The following DDR2 variants were observed in gnomAD, a reference collection of about 807,000 sequenced individuals.
DDR2 encodes discoidin domain-containing receptor 2.
DDR2 carries 27 observed loss-of-function variants against 94.9 expected under a neutral mutation model. The ratio of observed to expected loss-of-function variants is 0.28; its 90% confidence interval spans 0.21 to 0.39. The LOEUF (loss-of-function observed/expected upper bound fraction) is 0.39. DDR2 is among the 10% of genes least tolerant of loss of function. The probability of loss-of-function intolerance (pLI) is 1.00; values close to 1 mark genes in which losing one functional copy is unlikely to be tolerated. For missense variants in DDR2, 783 were observed against 1,076.0 expected, an observed-to-expected ratio of 0.73 and a Z score of 3.81; for synonymous variants, 382 against 377.2, an observed-to-expected ratio of 1.01 and a Z score of -0.15.
At chr1:162,710,968 C>G (rs1201792725) in intron 2 of DDR2, among the ~76,000 whole-genome samples, 8 of 152,170 alleles carry the variant, frequency 5.3e-5, no homozygotes, top group Admixed American at 3.9e-4. Context: ...CACTTCCTCT[C>G]CAGTCCAGAT....
chr1:162,644,214 T>G (rs1040723900), intron 1 of DDR2, among the ~76,000 whole-genome samples: 3 of 152,206 alleles, frequency 2.0e-5, no homozygotes, highest in South Asian at 2.1e-4. Context: ...TTTAGCATTT[T>G]TAAAAATAAT....
In DDR2 at chr1:162,775,695, G is replaced by T. The variant is rs2102195513; in HGVS notation, c.1900G>T (p.Asp634Tyr). Residue 634 changes from aspartate to tyrosine, a missense_variant, in exon 15 of 18, where the codon GAC becomes TAC. Around this residue, in one of 2 missense-constraint regions of DDR2, gnomAD observed 264 missense variants for 428.2 expected, o/e 0.62. Transcript: ENST00000367921. The stretch of plus-strand genomic sequence containing the variant: ...GATAAAGATCATGTCTCGGCTCAAG[G>T]ACCCAAACATCATCCATCTATTAGC... ...KEIKIMSRLK[D>Y]PNIIHLLAVC... 5 of 1,614,032 alleles carry T rather than the reference G, an allele frequency of 3.1e-6. No individual in the cohort carries two copies. The highest frequency in any genetic ancestry group is 4.2e-6 in the Non-Finnish European group (5 of 1,179,988).
At chr1:162,636,880 T>G (rs1656850057) in intron 1 of DDR2, among the ~76,000 whole-genome samples, 2 of 152,170 alleles carry the variant, frequency 1.3e-5, no homozygotes, top group Non-Finnish European at 2.9e-5. Context: ...TTTTAAAATT[T>G]GAATGCTCTT....
chr1:162,630,961 C>G (rs750208994), upstream of DDR2, among the ~76,000 whole-genome samples: 9 of 152,108 alleles, frequency 5.9e-5, no homozygotes, highest in Non-Finnish European at 1.0e-4. Flanking sequence ...TAAACTAACC[C>G]TAGTTCTAGT....
At chr1:162,723,456 TG>T (rs1219446913) in intron 3 of DDR2, among the ~76,000 whole-genome samples, 1 of 152,126 alleles carries the variant, frequency 6.6e-6, no homozygotes, top group Non-Finnish European at 1.5e-5. Flanking sequence ...TGGACATCAG[TG>T]TCAGGCTCCC....
intron 1 of DDR2, among the ~76,000 whole-genome samples, chr1:162,648,302 C>A (rs761000640): frequency 6.6e-6 from 1 of 152,074 alleles, no homozygotes. Flanking sequence ...AGCCAGGTAG[C>A]AAAGAGCAGT....
At chr1:162,641,128 C>T (rs868632322) in intron 1 of DDR2, among the ~76,000 whole-genome samples, 1 of 152,166 alleles carries the variant, frequency 6.6e-6, no homozygotes, top group Non-Finnish European at 1.5e-5. Flanking sequence ...GGGTGAGATT[C>T]TAATTTTAAC....
At chr1:162,767,088 AT>A in intron 10 of DDR2, 140 bp from the exon 11 acceptor site, 1 of 1,275,298 alleles carries the variant, frequency 7.8e-7, no homozygotes, top group Non-Finnish European at 1.1e-6. Flanking sequence ...AAGAGCAAGA[AT>A]AAGCAGAAGT....
Position 162,755,245 on chromosome 1 carries a change from C to T in DDR2, c.507C>T (p.Val169=). 1 of 1,614,054 alleles carries T rather than the reference C, an allele frequency of 6.2e-7. No individual in the cohort carries two copies. The highest frequency in any genetic ancestry group is 8.5e-7 in the Non-Finnish European group (1 of 1,180,004). Residue 169 remains valine, a synonymous_variant, in exon 6 of 18, where the codon GTC becomes GTT. Transcript: ENST00000367921. ...CCAGATTTGTCCGGTTCATTCCAGT[C>T]ACCGACCACTCCATGAATGTGTGTA... ...IVARFVRFIP[V]TDHSMNVCMR... is the part of the protein sequence containing the mutation.
chr1:162,673,212 G>C (rs1395134221), intron 2 of DDR2, among the ~76,000 whole-genome samples: 1 of 152,138 alleles, frequency 6.6e-6, no homozygotes, highest in African/African-American at 2.4e-5. Flanking sequence ...GAGCCTCTTA[G>C]AGGGCAGCTT....
At chr1:162,709,671 A>C (rs1358434591) in intron 2 of DDR2, among the ~76,000 whole-genome samples, 3 of 152,198 alleles carry the variant, frequency 2.0e-5, no homozygotes, top group Non-Finnish European at 4.4e-5. Context: ...TCACCAGCAC[A>C]TGCTTCCAAG....
At chr1:162,688,207 A>G (rs1303584969) in intron 2 of DDR2, among the ~76,000 whole-genome samples, 2 of 152,214 alleles carry the variant, frequency 1.3e-5, no homozygotes, top group African/African-American at 4.8e-5. Context: ...CAGCACGTAC[A>G]AGGACACAAC....
intron 7 of DDR2, among the ~76,000 whole-genome samples, chr1:162,756,894 C>T (rs905493385): frequency 1.3e-5 from 2 of 152,178 alleles, no homozygotes; most frequent in African/African-American, 2.4e-5. Context: ...CAACCGAATT[C>T]AGTTTAATTT....
At chr1:162,661,846 G>T (rs73018576) in intron 2 of DDR2, among the ~76,000 whole-genome samples, 4,198 of 152,278 alleles carry the variant, frequency 0.028, 193 homozygotes, top group African/African-American at 0.095. Context: ...GAGGTTTAGG[G>T]TGAGATTCTG....
chr1:162,774,778 CT>C (rs1157673949), intron 14 of DDR2, among the ~76,000 whole-genome samples: 2 of 152,112 alleles, frequency 1.3e-5, no homozygotes, highest in Non-Finnish European at 2.9e-5. Flanking sequence ...ACTGCAAACC[CT>C]CCCAAGCCAT....
chr1:162,728,542 C>T (rs1487902618), intron 3 of DDR2, among the ~76,000 whole-genome samples: 3 of 152,116 alleles, frequency 2.0e-5, no homozygotes, highest in Non-Finnish European at 4.4e-5. Context: ...CAGTATATGA[C>T]AAATGTTTTA....
chr1:162,673,604 TGTGTGAGAGA>T lies in DDR2; in HGVS notation c.-28+18232_-28+18241del, dbSNP rs1398268031. Among the ~76,000 whole-genome samples the T allele has an allele frequency of 2.7e-3, 340 of 127,614 alleles. 1 individual carries two copies. Among genetic ancestry groups the T allele is most frequent in the Non-Finnish European group, 4.1e-3 (259 of 63,566 alleles). The allele number at this position is 127,614 out of a possible 152,430, so 83.7% of individuals were successfully genotyped here. On this transcript the variant is annotated intron_variant, in intron 2 of 17. Transcript: ENST00000367921. ...GCGTGTGTGTGTGTGTATGTGTGTGTGTGTGAGAGAGAGAGAGAGAGAGAGAGAGAGAGAG... is the reference window on the plus strand; with the variant it reads ...GCGTGTGTGTGTGTGTATGTGTGTGTGAGAGAGAGAGAGAGAGAGAGAGAG...
chr1:162,765,252 C>T (rs756667207), intron 9 of DDR2, among the ~76,000 whole-genome samples: 7 of 152,058 alleles, frequency 4.6e-5, no homozygotes, highest in African/African-American at 7.3e-5. Context: ...TAGTTTTCAC[C>T]GGAGCCTGAC....
intron 3 of DDR2, among the ~76,000 whole-genome samples, chr1:162,745,966 T>C (rs1017328587): frequency 6.6e-6 from 1 of 152,202 alleles, no homozygotes; most frequent in African/African-American, 2.4e-5. Context: ...TGCCTGATAA[T>C]TTTTTATAGT....
Sources: allele counts gnomAD v4.1 joint callset (sites outside exome capture counted in the v4.1 genomes callset), GRCh38; gene constraint gnomAD v4.1.1; regional missense constraint gnomAD v4.1.1; transcripts MANE v1.5; gene names NCBI Gene and HGNC (gene_info 2026-07-23, HGNC 2026-07-21).